DIS3L2: variants seen among roughly 807,000 people sequenced by gnomAD.
DIS3L2 encodes the protein DIS3-like exonuclease 2.
A neutral mutation model predicts 97.5 loss-of-function variants in DIS3L2; 34 were observed. The ratio of observed to expected loss-of-function variants is 0.35; its 90% CI spans 0.27 to 0.46. The LOEUF (loss-of-function observed/expected upper bound fraction) is 0.46. Among genes scored for constraint, DIS3L2 ranks in the 20% least tolerant of loss-of-function variants. The pLI is 1.00. For synonymous variants in DIS3L2, 435 were observed against 445.2 expected (o/e 0.98, Z 0.29); for missense variants, 1,038 against 1,146.0 (o/e 0.91, Z 1.36).
chr2:232,021,139 T>C (rs1694500104), intron 3 of DIS3L2, among the ~76,000 whole-genome samples: 1 of 151,982 alleles, frequency 6.6e-6, no homozygotes, highest in African/African-American at 2.4e-5. Flanking sequence ...GCTCCTGGGG[T>C]ATAGGAAGGG....
At chr2:232,064,058 A>T (rs1004449764) in intron 5 of DIS3L2, among the ~76,000 whole-genome samples, 1 of 152,100 alleles carries the variant, frequency 6.6e-6, no homozygotes, top group Non-Finnish European at 1.5e-5. Flanking sequence ...TATTTGGTTC[A>T]TATAGTCTTT....
rs536304253 is a variant in DIS3L2, at chr2:232,029,424, T to G, written c.265-555T>G. Reference sequence around the variant, plus strand: ...AGAAGTTGACACCTGGGGAGTTCACTGGGGAGCCACATTATTTAAAGTGGG... The same window carrying G: ...AGAAGTTGACACCTGGGGAGTTCACGGGGGAGCCACATTATTTAAAGTGGG... On this transcript the variant is annotated intron_variant, in intron 4 of 20. Coordinates refer to ENST00000325385, the MANE Select transcript of DIS3L2 (RefSeq NM_152383.5). Among the ~76,000 whole-genome samples the G allele has an allele frequency of 9.9e-5, 15 of 152,216 alleles. No individual in the cohort carries two copies. In the East Asian group the frequency reaches 2.9e-3, roughly 29 times the overall value.
At chr2:232,323,708 G>A (rs1575018831) in intron 14 of DIS3L2, among the ~76,000 whole-genome samples, 1 of 152,224 alleles carries the variant, frequency 6.6e-6, no homozygotes, top group South Asian at 2.1e-4. Context: ...GCGCGCAGGA[G>A]GAGAGGGGTC....
intron 10 of DIS3L2, among the ~76,000 whole-genome samples, chr2:232,228,485 T>C (rs1322333547): frequency 6.6e-6 from 1 of 152,208 alleles, no homozygotes; most frequent in Non-Finnish European, 1.5e-5. Context: ...CTACTGTAGT[T>C]ACATTTCTGG....
At chr2:232,206,401 GCTGT>G (rs1431945119) in intron 9 of DIS3L2, among the ~76,000 whole-genome samples, 1 of 152,200 alleles carries the variant, frequency 6.6e-6, no homozygotes, top group Non-Finnish European at 1.5e-5. Flanking sequence ...AATTAAAACA[GCTGT>G]CTGTCACAAC....
At chr2:232,148,377 C>A (rs1046489268) in intron 8 of DIS3L2, among the ~76,000 whole-genome samples, 4 of 152,074 alleles carry the variant, frequency 2.6e-5, no homozygotes, top group African/African-American at 9.7e-5. Flanking sequence ...GCATCTAAGG[C>A]CCCCAAAGCA....
exon 14 of DIS3L2, chr2:232,343,416 A>T: frequency 6.4e-7 from 1 of 1,555,824 alleles, no homozygotes; most frequent in Non-Finnish European, 8.7e-7. Context: ...ATGCAGAAGC[A>T]CAGCCCTCCA....
intron 14 of DIS3L2, among the ~76,000 whole-genome samples, chr2:232,308,185 CGTA>C (rs1695034877): frequency 6.6e-6 from 1 of 152,188 alleles, no homozygotes; most frequent in African/African-American, 2.4e-5. Context: ...ATAAAGACCT[CGTA>C]GTTTTGGGGG....
intron 5 of DIS3L2, among the ~76,000 whole-genome samples, chr2:232,083,196 C>T (rs1696457306): frequency 2.0e-5 from 3 of 151,914 alleles, no homozygotes; most frequent in Admixed American, 2.0e-4. Context: ...TTCCCATTCT[C>T]TTCTTAAACT....
At chr2:232,223,037 T>C (rs992085042) in intron 10 of DIS3L2, among the ~76,000 whole-genome samples, 5 of 152,198 alleles carry the variant, frequency 3.3e-5, no homozygotes, top group African/African-American at 9.6e-5. Flanking sequence ...CTTTGGAAAT[T>C]CTCTTTTTCA....
chr2:232,063,248 A>G (rs1436003690), intron 5 of DIS3L2, among the ~76,000 whole-genome samples: 3 of 152,156 alleles, frequency 2.0e-5, no homozygotes, highest in Non-Finnish European at 4.4e-5. Flanking sequence ...TAGCCAGTTG[A>G]TCAATGGCAC....
intron 9 of DIS3L2, among the ~76,000 whole-genome samples, chr2:232,195,998 T>C (rs963870505): frequency 5.3e-5 from 8 of 152,358 alleles, no homozygotes; most frequent in Non-Finnish European, 1.0e-4. Flanking sequence ...GTTCAGCCTA[T>C]GCCCAGGAAT....
chr2:232,018,356 G>A (rs1042139196), intron 3 of DIS3L2, among the ~76,000 whole-genome samples: 3 of 152,302 alleles, frequency 2.0e-5, no homozygotes, highest in Non-Finnish European at 2.9e-5. Flanking sequence ...GGACTCTGCA[G>A]CCAGGGCCTC....
intron 9 of DIS3L2, among the ~76,000 whole-genome samples, chr2:232,189,609 T>C (rs902911767): frequency 2.6e-5 from 4 of 152,172 alleles, no homozygotes; most frequent in African/African-American, 9.7e-5. Flanking sequence ...TTGGGTGCAA[T>C]TGAGGGATCC....
At chr2:232,026,853 C>T (rs550161599) in intron 4 of DIS3L2, among the ~76,000 whole-genome samples, 53 of 152,264 alleles carry the variant, frequency 3.5e-4, no homozygotes, top group African/African-American at 6.3e-4. Context: ...ATTCTTACTA[C>T]GTCATACTTA....
chr2:232,056,765 G>A (rs1375100656), intron 5 of DIS3L2, among the ~76,000 whole-genome samples: 1 of 152,166 alleles, frequency 6.6e-6, no homozygotes, highest in Admixed American at 6.5e-5. Context: ...GAAATAAATA[G>A]GTAAACAATA....
At chr2:231,968,409 A>T (rs767725218) in intron 1 of DIS3L2, among the ~76,000 whole-genome samples, 9 of 152,202 alleles carry the variant, frequency 5.9e-5, no homozygotes, top group Non-Finnish European at 1.2e-4. Flanking sequence ...TGATGTTTTT[A>T]TCACTGTACA....
chr2:232,214,352 A>G (rs1692275829), intron 10 of DIS3L2, among the ~76,000 whole-genome samples: 1 of 152,194 alleles, frequency 6.6e-6, no homozygotes, highest in Non-Finnish European at 1.5e-5. Flanking sequence ...TTGCTTGACT[A>G]TTAGGAAATC....
chr2:231,962,217 C>A (rs965969927), intron 1 of DIS3L2, among the ~76,000 whole-genome samples: 1 of 151,974 alleles, frequency 6.6e-6, no homozygotes, highest in African/African-American at 2.4e-5. Flanking sequence ...ATAACATGTC[C>A]TTGACGTTTG....
Sources: gnomAD v4.1 joint callset for allele counts (sites outside exome capture counted in the v4.1 genomes callset) on GRCh38, gnomAD v4.1.1 for gene constraint, MANE v1.5 for transcripts, NCBI Gene and HGNC (gene_info 2026-07-23, HGNC 2026-07-21) for gene names.